The following BRME1 variants were observed in gnomAD, a reference collection of about 807,000 sequenced individuals.
The protein encoded by BRME1 is break repair meiotic recombinase recruitment factor 1.
In BRME1, 31 loss-of-function variants were observed where a neutral mutation model predicts 52.6. The ratio of observed to expected loss-of-function variants is 0.59; its 90% confidence interval spans 0.44 to 0.80. The LOEUF (loss-of-function observed/expected upper bound fraction) is 0.80. Ranked by LOEUF, BRME1 falls within the 30% of genes least tolerant of loss-of-function variation. The pLI, the probability that BRME1 is intolerant of heterozygous loss-of-function variation, is 0.00. For synonymous variants in BRME1, 359 were observed against 353.6 expected, an observed-to-expected ratio of 1.02 and a Z score of -0.17; for missense variants, 804 against 860.3, an observed-to-expected ratio of 0.93 and a Z score of 0.82.
chr19:13,889,707 G>C lies in BRME1; in HGVS notation c.1149C>G (p.Ala383=). Residue 383 remains alanine, a synonymous_variant, in exon 6 of 9, where the codon GCC becomes GCG. Transcript: ENST00000586783. ...CAGTGAGCGAGGTGCAGCCTGGCAA[G>C]GCCCTCCTGTGGCCTCCATCAGCGG... is the stretch of plus-strand genomic sequence containing the variant. ...RKAADGGHRR[A]LPGCTSLTGE... The C allele has an allele frequency of 1.2e-6, 2 of 1,609,086 alleles. No individual in the cohort carries two copies. The highest frequency in any genetic ancestry group is 2.2e-5 in the South Asian group (2 of 90,782).
In BRME1 at chr19:13,889,187, C is replaced by T. The variant is rs372491962; in HGVS notation, c.1668+1G>A. 1.3e-6 allele frequency: 2 copies of T among 1,570,618 alleles called. No individual in the cohort carries two copies. The highest frequency in any genetic ancestry group is 1.7e-6 in the Non-Finnish European group (2 of 1,157,464). ...TGTCTGTCACTCAGGGCAGCTCTCA[C>T]CTGCTCAGGTGGGGCTTCGAAGTCA... On this transcript the variant is annotated splice_donor_variant, in intron 6 of 8. Coordinates refer to ENST00000586783, the MANE Select transcript of BRME1 (RefSeq NM_001345843.2). LOFTEE classifies it high-confidence loss of function.
chr19:13,893,690 G>A (rs1208020089), intron 3 of BRME1, among the ~76,000 whole-genome samples: 1 of 152,142 alleles, frequency 6.6e-6, no homozygotes, highest in Admixed American at 6.5e-5. Flanking sequence ...GTGGGAAGCT[G>A]AGGTGGGTGG....
intron 5 of BRME1, among the ~76,000 whole-genome samples, chr19:13,891,829 T>C (rs922734961): frequency 2.7e-5 from 4 of 150,652 alleles, no homozygotes; most frequent in Non-Finnish European, 4.4e-5. Flanking sequence ...TCCCAGCACT[T>C]TGAGAGGCCG....
At position 13,883,158 on chromosome 19, in the gene BRME1, G is replaced by A. The variant is rs1187757199; in HGVS notation, c.1856+150C>T. 4.2e-6 allele frequency: 4 copies of A among 957,166 alleles called. No homozygotes were observed. The highest frequency in any genetic ancestry group is 2.7e-5 in the East Asian group (1 of 37,728). 59.3% of individuals were successfully genotyped at this position (957,166 alleles called of 1,614,324 possible). Reference sequence around the variant, plus strand: ...AGCCTGTGTTCTGCAAAGGACGGGGGAGGGGGGCCACGGTGAGGACCCAGC... The same window carrying A: ...AGCCTGTGTTCTGCAAAGGACGGGGAAGGGGGGCCACGGTGAGGACCCAGC... On this transcript the variant is annotated intron_variant, in intron 8 of 8. Transcript: ENST00000586783. This position sits in a 1 kb window ranked among gnomAD's most constrained non-coding sequence, Gnocchi z 4.2.
chr19:13,886,857 G>T (rs375097090), intron 6 of BRME1, among the ~76,000 whole-genome samples: 26 of 152,004 alleles, frequency 1.7e-4, no homozygotes, highest in African/African-American at 5.6e-4. Flanking sequence ...CTAGCTACTT[G>T]GGAGGCTGAG....
At chr19:13,884,986 T>C (rs946925274) in intron 7 of BRME1, 12 of 152,138 alleles carry the variant, frequency 7.9e-5, no homozygotes, top group African/African-American at 2.9e-4. Context: ...TGGGACGCTG[T>C]CGGAGATTCA....
In BRME1 at chr19:13,882,637, G is replaced by T; in HGVS notation, c.*165C>A. The T allele has an allele frequency of 3.5e-6, 3 of 847,686 alleles. No individual in the cohort carries two copies. The highest frequency in any genetic ancestry group is 5.5e-6 in the Non-Finnish European group (3 of 543,744). 52.5% of individuals were successfully genotyped at this position (847,686 alleles called of 1,614,324 possible). A position where few individuals can be genotyped will look rare whatever the true frequency, so the allele number is the denominator to read the frequency against. The stretch of plus-strand genomic sequence containing the variant: ...GGCAAATGACCTTGACCCTGGCCAG[G>T]TGAGGCCAGGACCTCACGGCCTCCT... On this transcript the variant is annotated 3_prime_UTR_variant, in exon 9 of 9. Transcript: ENST00000586783.
Position 13,889,628 on chromosome 19 carries a change from C to T in BRME1, c.1228G>A (p.Asp410Asn), listed in dbSNP as rs777015323. 7 of 1,607,886 alleles carry T rather than the reference C, an allele frequency of 4.4e-6. No homozygotes were observed. The highest frequency in any genetic ancestry group is 2.2e-5 in the South Asian group (2 of 90,598). Reference protein sequence around the residue: ...EAGQDGKPPGDVLVGPTASLA... With the variant: ...EAGQDGKPPGNVLVGPTASLA... ...GAGGCTGTAGGGCCCACTAGGACAT[C>T]GCCGGGGGGCTTGCCATCCTGCCCT... Residue 410 changes from aspartate to asparagine, a missense_variant, in exon 6 of 9, where the codon GAT (aspartate) becomes AAT (asparagine). Physicochemically the swap from Asp to Asn is conservative, Grantham distance 23 (BLOSUM62 1). Coordinates refer to ENST00000586783, the MANE Select transcript of BRME1 (RefSeq NM_001345843.2).
At position 13,891,134 on chromosome 19, in the gene BRME1, G is replaced by GTTT. The variant is rs200397038; in HGVS notation, c.394-675_394-673dup. ...CAGACCACACCAATGTCAATTTCCT[G>GTTT]TTTATTATTATTATTATTATTATTA... On this transcript the variant is annotated intron_variant, in intron 5 of 8. Transcript: ENST00000586783. Among the ~76,000 whole-genome samples the GTTT allele has an allele frequency of 1.6e-3, 150 of 92,120 alleles. 1 individual carries two copies. The highest frequency in any genetic ancestry group is 6.3e-3 in the East Asian group (20 of 3,152). 60.4% of individuals were successfully genotyped at this position (92,120 alleles called of 152,430 possible).
At chr19:13,901,516 T>C (rs1970294189) in intron 2 of BRME1, among the ~76,000 whole-genome samples, 1 of 151,528 alleles carries the variant, frequency 6.6e-6, no homozygotes, top group Non-Finnish European at 1.5e-5. Flanking sequence ...CTAGCCAACA[T>C]GGTGAAACCC....
intron 2 of BRME1, among the ~76,000 whole-genome samples, chr19:13,898,162 G>T (rs1200436424): frequency 6.6e-6 from 1 of 151,964 alleles, no homozygotes; most frequent in Non-Finnish European, 1.5e-5. Flanking sequence ...ACACCCAAGG[G>T]CCCCAAGTTC....
At chr19:13,903,881 C>T (rs571476780) in intron 2 of BRME1, among the ~76,000 whole-genome samples, 2 of 152,042 alleles carry the variant, frequency 1.3e-5, no homozygotes, top group African/African-American at 4.8e-5. Flanking sequence ...GGTTTTGGGC[C>T]CCAGAGTAAA....
rs1182289746 is a variant in BRME1 at position 13,888,999 on chromosome 19, A to G, written c.1668+189T>C. Among the ~76,000 whole-genome samples the G allele has an allele frequency of 6.6e-6, 1 of 151,922 alleles. No homozygotes were observed. Among genetic ancestry groups the G allele is most frequent in the East Asian group, 1.9e-4 (1 of 5,184 alleles). On this transcript the variant is annotated intron_variant, in intron 6 of 8. Coordinates refer to ENST00000586783, the MANE Select transcript of BRME1 (RefSeq NM_001345843.2). The surrounding 1 kb of genome is among the most constrained non-coding windows in gnomAD (Gnocchi z 4.1). ...GACAACCACCAAAAGGCAGGTCTAC[A>G]CTTTCTGGAAAACCACCGACTCCAC...
intron 2 of BRME1, among the ~76,000 whole-genome samples, chr19:13,903,869 C>G (rs1348741009): frequency 6.6e-6 from 1 of 152,026 alleles, no homozygotes; most frequent in Non-Finnish European, 1.5e-5. Context: ...GGGATGAACC[C>G]AGGTTTTGGG....
intron 5 of BRME1, 150 bp from the exon 6 acceptor site, chr19:13,890,612 C>A: frequency 1.5e-6 from 1 of 658,078 alleles, no homozygotes; most frequent in Non-Finnish European, 2.3e-6. Context: ...TGCCTGTAAT[C>A]CCAGCACTTT....
rs1250538855 is a variant in BRME1 at position 13,895,227 on chromosome 19, C to G, written c.206+145G>C. On this transcript the variant is annotated intron_variant, in intron 3 of 8. Transcript: ENST00000586783. ...CGAGGAAAGCTAGGAGAAGCGAGATCCGAGGGCCCTGAGCTCTGGGAGGGA... is the reference window on the plus strand; with the variant it reads ...CGAGGAAAGCTAGGAGAAGCGAGATGCGAGGGCCCTGAGCTCTGGGAGGGA... 5 of 772,932 alleles carry G rather than the reference C, an allele frequency of 6.5e-6. No individual in the cohort carries two copies. In the East Asian group the frequency reaches 1.5e-4, roughly 23 times the overall value. 47.9% of individuals were successfully genotyped at this position (772,932 alleles called of 1,614,324 possible).
intron 2 of BRME1, among the ~76,000 whole-genome samples, chr19:13,899,937 G>A (rs1970186198): frequency 6.6e-6 from 1 of 152,168 alleles, no homozygotes; most frequent in Non-Finnish European, 1.5e-5. Context: ...AGGCGGCGGA[G>A]GTTGCAGTAA....
chr19:13,883,491 C>T lies in BRME1; in HGVS notation c.1764-91G>A. 5.2e-6 allele frequency: 5 copies of T among 962,706 alleles called. No homozygotes were observed. Among genetic ancestry groups the T allele is most frequent in the Non-Finnish European group, 7.9e-6 (5 of 635,540 alleles). 59.6% of individuals were successfully genotyped at this position (962,706 alleles called of 1,614,324 possible). ...GAGGGGCTTCCGCAGGGCCTCGCGC[C>T]ATCTTTTCCAGGTGTCCAGCCTGTC... On this transcript the variant is annotated intron_variant, in intron 7 of 8. Coordinates refer to ENST00000586783, the MANE Select transcript of BRME1 (RefSeq NM_001345843.2). This position sits in a 1 kb window ranked among gnomAD's most constrained non-coding sequence, Gnocchi z 4.2.
In BRME1 at chr19:13,895,540, C is replaced by T. The variant is rs1568385785; in HGVS notation, c.38G>A (p.Gly13Glu). 1 of 1,612,422 alleles carries T rather than the reference C, an allele frequency of 6.2e-7. No individual in the cohort carries two copies. Among genetic ancestry groups the T allele is most frequent in the Non-Finnish European group, 8.5e-7 (1 of 1,179,262 alleles). The change falls in exon 3 of 9, where the codon GGA (glycine) becomes GAA (glutamate). Residue 13 changes from glycine (G) to glutamate (E), a missense_variant. Physicochemically the swap from Gly to Glu is moderately conservative, Grantham distance 98 (BLOSUM62 -2). Coordinates refer to ENST00000586783, the MANE Select transcript of BRME1 (RefSeq NM_001345843.2). ...KRKKLRTSGE[G>E]LCPPKPLKNP... ...CTTTAGGGGTTTTGGAGGACAGAGTCCCTCTCCTGTTTTAGAGACAGAGGA... is the reference window on the plus strand; with the variant it reads ...CTTTAGGGGTTTTGGAGGACAGAGTTCCTCTCCTGTTTTAGAGACAGAGGA...
Sources: gnomAD v4.1 joint callset for allele counts (sites outside exome capture counted in the v4.1 genomes callset) on GRCh38, gnomAD v4.1.1 for gene constraint, Gnocchi (gnomAD v3.1) non-coding constraint, MANE v1.5 for transcripts, NCBI Gene and HGNC (gene_info 2026-07-23, HGNC 2026-07-21) for gene names.